Variants in RBM10 observed in about 807,000 individuals in gnomAD.
RBM10 encodes RNA binding motif protein 10.
Under a neutral mutation model 84.9 loss-of-function variants are expected in RBM10, and 1 was observed. That is an observed-to-expected ratio of 0.01 (90% CI 0.00 to 0.06). The LOEUF is 0.06. RBM10 is among the 10% of genes least tolerant of loss of function. The pLI, the probability that RBM10 is intolerant of heterozygous loss-of-function variation, is 1.00. For synonymous variants in RBM10, 326 were observed against 344.5 expected (o/e 0.95, Z 0.60); for missense variants, 438 against 839.0 (o/e 0.52, Z 5.90).
chrX:47,181,702 C>T (rs2147190818), intron 14 of RBM10, 47 bp from the exon 15 acceptor site: 1 of 1,209,237 alleles, frequency 8.3e-7, no homozygotes, highest in East Asian at 3.0e-5. Flanking sequence ...GCAGGGGTGG[C>T]ATGGGCAGAC....
At chrX:47,181,160 AC>A in intron 12 of RBM10, 54 bp from the exon 13 acceptor site, 10 of 45,180 alleles carry the variant, frequency 2.2e-4, no homozygotes, top group East Asian at 1.8e-3. Context: ...CAGGTTCCCC[AC>A]CCCCCACCCC....
rs1253691936 is a variant in RBM10, at chrX:47,171,327, C to T, written c.432+69C>T. The T allele has an allele frequency of 2.5e-6, 3 of 1,177,653 alleles. No homozygotes were observed. The African/African-American group carries it at 5.3e-5, about 21-fold the overall frequency. The stretch of plus-strand genomic sequence containing the variant: ...TCCTCCAGGGCCCTCAACTTCTCCC[C>T]ACCCCTCCCTCACCTGCAACCTCAG... On this transcript the variant is annotated intron_variant, in intron 4 of 23. Coordinates refer to ENST00000377604, the MANE Select transcript of RBM10 (RefSeq NM_005676.5).
chrX:47,157,225 T>C (rs1556765460), intron 2 of RBM10: 3 of 284,506 alleles, frequency 1.1e-5, no homozygotes, highest in Non-Finnish European at 2.0e-5. Flanking sequence ...CGTGGTCACA[T>C]TGTGTCCGCG....
At chrX:47,176,693 C>T in intron 7 of RBM10, 107 bp downstream of exon 7, 1 of 1,131,911 alleles carries the variant, frequency 8.8e-7, no homozygotes, top group Non-Finnish European at 1.2e-6. Context: ...CTCCCCCTCC[C>T]CCAATCTCTC....
At chrX:47,150,163 T>TTTTGTTTG (rs201979048) in intron 2 of RBM10, among the ~76,000 whole-genome samples, 1 of 109,383 alleles carries the variant, frequency 9.1e-6, no homozygotes, top group African/African-American at 3.4e-5. Context: ...GTATAGTGTT[T>TTTTGTTTG]TTTGTTTGTT....
At position 47,186,465 on chromosome X, in the gene RBM10, C is replaced by T. The variant is rs374290430; in HGVS notation, c.2668-9C>T. 1.7e-6 allele frequency: 2 copies of T among 1,205,951 alleles called. No homozygotes were observed. The highest frequency in any genetic ancestry group is 2.2e-6 in the Non-Finnish European group (2 of 892,275). Reference sequence around the variant, plus strand: ...CACCAGCCTGACAGAGCCTGCCTCCCTCACACAGGCCCAAACACGGGTGCG... The same window carrying T: ...CACCAGCCTGACAGAGCCTGCCTCCTTCACACAGGCCCAAACACGGGTGCG... On this transcript the variant is annotated splice_polypyrimidine_tract_variant and intron_variant, in intron 23 of 23. Transcript: ENST00000377604.
intron 7 of RBM10, among the ~76,000 whole-genome samples, chrX:47,177,202 A>G (rs1556776644): frequency 8.9e-6 from 1 of 112,608 alleles, no homozygotes; most frequent in African/African-American, 3.2e-5. Flanking sequence ...GCGTTCTGAG[A>G]GCCCATAGCA....
At chrX:47,152,364 T>TAATG (rs1173526216) in intron 2 of RBM10, among the ~76,000 whole-genome samples, 1 of 109,677 alleles carries the variant, frequency 9.1e-6, no homozygotes, top group Non-Finnish European at 1.9e-5. Flanking sequence ...AGAAAAAGTA[T>TAATG]AATGAATTCC....
intron 17 of RBM10, 96 bp downstream of exon 17, chrX:47,182,422 G>A (rs1171476421): frequency 9.0e-7 from 1 of 1,113,517 alleles, no homozygotes; most frequent in Non-Finnish European, 1.2e-6. Context: ...AAGGGAGATG[G>A]CGGGCAGGTG....
At chrX:47,170,013 G>A (rs902317246) in intron 3 of RBM10, among the ~76,000 whole-genome samples, 2 of 112,934 alleles carry the variant, frequency 1.8e-5, no homozygotes, top group South Asian at 3.6e-4. Context: ...CCTAGCCTGC[G>A]GGATGAGGCG....
intron 12 of RBM10, among the ~76,000 whole-genome samples, chrX:47,181,002 C>T (rs1239918258): frequency 1.8e-5 from 2 of 111,319 alleles, no homozygotes; most frequent in Non-Finnish European, 3.8e-5. Context: ...AACATTTTGG[C>T]GTTCATCTGT....
rs2147176504 is a variant in RBM10, at chrX:47,180,207, C to T, written c.1063-5C>T. 8.4e-7 allele frequency: 1 copy of T among 1,194,050 alleles called. No individual in the cohort carries two copies. The highest frequency in any genetic ancestry group is 1.1e-6 in the Non-Finnish European group (1 of 883,814). ...CTTCTGTCCCTGCCTCCCCTCCTCCCACAGGAGGCAGCCCAGCTGCTGCAG... is the reference window on the plus strand; with the variant it reads ...CTTCTGTCCCTGCCTCCCCTCCTCCTACAGGAGGCAGCCCAGCTGCTGCAG... On this transcript the variant is annotated splice_polypyrimidine_tract_variant and splice_region_variant and intron_variant, in intron 10 of 23. Coordinates refer to ENST00000377604, the MANE Select transcript of RBM10 (RefSeq NM_005676.5).
chrX:47,183,254 C>T (rs1556780662), intron 17 of RBM10, among the ~76,000 whole-genome samples: 1 of 112,303 alleles, frequency 8.9e-6, no homozygotes, highest in Non-Finnish European at 1.9e-5. Flanking sequence ...GGAGCCGTGG[C>T]TCATGCCTGT....
At chrX:47,185,026 G>A in intron 17 of RBM10, 29 bp from the exon 18 acceptor site, 1 of 1,198,579 alleles carries the variant, frequency 8.3e-7, no homozygotes, top group Non-Finnish European at 1.1e-6. Flanking sequence ...TGAGGGTTCT[G>A]GGAACCTCAC....
intron 2 of RBM10, among the ~76,000 whole-genome samples, chrX:47,167,367 T>C (rs1170058320): frequency 9.3e-6 from 1 of 107,897 alleles, no homozygotes; most frequent in Non-Finnish European, 1.9e-5. Context: ...TTTTCTTTTA[T>C]GATTTCATTT....
chrX:47,186,024 G>T (rs1935879761), intron 21 of RBM10, 41 bp from the exon 22 acceptor site: 2 of 1,200,302 alleles, frequency 1.7e-6, no homozygotes, highest in Non-Finnish European at 2.3e-6. Context: ...TGAGAAAAGA[G>T]ACCAGCTCCC....
chrX:47,173,156 T>C lies in RBM10; in HGVS notation c.461T>C (p.Val154Ala), dbSNP rs1556774356. Reference sequence around the variant, plus strand: ...CGTGGCCAGCTGCAGTCGCACGGCGTGCAAGCACGGGAGGTTCGGCTGATG... The same window carrying C: ...CGTGGCCAGCTGCAGTCGCACGGCGCGCAAGCACGGGAGGTTCGGCTGATG... ...DIRGQLQSHG[V>A]QAREVRLMRN... Residue 154 changes from valine to alanine, a missense_variant, in exon 5 of 24, where the codon GTG (valine) becomes GCG (alanine). By Grantham distance (64) the Val-to-Ala change is moderately conservative (BLOSUM62 0). Around this residue, in one of 8 missense-constraint regions of RBM10, gnomAD observed 28 missense variants for 98.6 expected, o/e 0.28. Coordinates refer to ENST00000377604, the MANE Select transcript of RBM10 (RefSeq NM_005676.5). 8.3e-7 allele frequency: 1 copy of C among 1,211,020 alleles called. No homozygotes were observed. Among genetic ancestry groups the C allele is most frequent in the African/African-American group, 1.7e-5 (1 of 57,473 alleles).
At chrX:47,170,774 C>A (rs192989828) in intron 3 of RBM10, among the ~76,000 whole-genome samples, 2 of 111,959 alleles carry the variant, frequency 1.8e-5, no homozygotes, top group African/African-American at 6.5e-5. Context: ...TTTGGGAGTT[C>A]CCCCCACACC....
At chrX:47,179,816 C>T (rs782720514) in intron 9 of RBM10, 64 bp from the exon 10 acceptor site, 94 of 1,120,361 alleles carry the variant, frequency 8.4e-5, no homozygotes, top group Non-Finnish European at 1.0e-4. Context: ...GCAGTGGGGG[C>T]ATTGAAGGGC....
Sources: gnomAD v4.1 joint callset for allele counts (sites outside exome capture counted in the v4.1 genomes callset) on GRCh38, gnomAD v4.1.1 for gene constraint, gnomAD v4.1.1 regional missense constraint, MANE v1.5 for transcripts, NCBI Gene and HGNC (gene_info 2026-07-23, HGNC 2026-07-21) for gene names.